The following CDK13 variants were observed in gnomAD, a reference collection of about 807,000 sequenced individuals.
CDK13 encodes the protein cyclin dependent kinase 13, also known as cyclin-dependent kinase 13.
In CDK13, 40 loss-of-function variants were observed where a neutral mutation model predicts 137.6. The ratio of observed to expected loss-of-function variants is 0.29; its 90% CI spans 0.23 to 0.38. The LOEUF is 0.38. Ranked by LOEUF, CDK13 falls within the 10% of genes least tolerant of loss-of-function variation. CDK13 has a pLI of 1.00. For missense variants in CDK13, 1,704 were observed against 1,951.8 expected, an observed-to-expected ratio of 0.87 and a Z score of 2.39; for synonymous variants, 869 against 760.1, an observed-to-expected ratio of 1.14 and a Z score of -2.36.
intron 11 of CDK13, among the ~76,000 whole-genome samples, chr7:40,080,136 C>CA (rs1269621575): frequency 6.6e-6 from 1 of 152,052 alleles, no homozygotes; most frequent in South Asian, 2.1e-4. Context: ...TACAGGCATG[C>CA]ACCACCACAT....
At chr7:39,956,105 A>G (rs1270848052) in intron 1 of CDK13, among the ~76,000 whole-genome samples, 1 of 152,232 alleles carries the variant, frequency 6.6e-6, no homozygotes, top group African/African-American at 2.4e-5. Flanking sequence ...ATGAAAAAAA[A>G]ACTCAAAAAA....
chr7:40,050,450 GGC>G (rs1785861029), intron 7 of CDK13, among the ~76,000 whole-genome samples: 1 of 152,162 alleles, frequency 6.6e-6, no homozygotes, highest in African/African-American at 2.4e-5. Flanking sequence ...GGAGTGCAGT[GGC>G]GTGATCTCAG....
At chr7:40,024,494 G>A (rs777173218) in intron 5 of CDK13, among the ~76,000 whole-genome samples, 1 of 152,062 alleles carries the variant, frequency 6.6e-6, no homozygotes, top group Non-Finnish European at 1.5e-5. Context: ...CTTGGCCAGC[G>A]TTTATTATGT....
At chr7:40,008,651 C>T (rs1168124452) in intron 5 of CDK13, among the ~76,000 whole-genome samples, 1 of 152,172 alleles carries the variant, frequency 6.6e-6, no homozygotes, top group Non-Finnish European at 1.5e-5. Context: ...GCTAAGGAGT[C>T]TGTTCTTAGC....
intron 12 of CDK13, among the ~76,000 whole-genome samples, chr7:40,089,597 AC>A (rs1300351551): frequency 6.6e-6 from 1 of 151,996 alleles, no homozygotes; most frequent in Non-Finnish European, 1.5e-5. Flanking sequence ...TTTTAAAAGG[AC>A]CTCCACTCCC....
rs1303234597 is a variant in CDK13 at position 40,092,872 on chromosome 7, C to A, written c.3323C>A (p.Ala1108Asp). ...CAATCTAAAACAAGTGTTAATATGG[C>A]TGATTTTGTCCAAGTGTTGAACATT... Reference protein sequence around the residue: ...LLQSKTSVNMADFVQVLNIKV... With the variant: ...LLQSKTSVNMDDFVQVLNIKV... Residue 1108 changes from alanine (A) to aspartate (D), a missense_variant, in exon 13 of 14, where the codon GCT becomes GAT. Physicochemically the swap from Ala to Asp is moderately radical, Grantham distance 126 (BLOSUM62 -2). Coordinates refer to ENST00000181839, the MANE Select transcript of CDK13 (RefSeq NM_003718.5). The A allele has an allele frequency of 6.2e-7, 1 of 1,613,934 alleles. No individual in the cohort carries two copies. The highest frequency in any genetic ancestry group is 8.5e-7 in the Non-Finnish European group (1 of 1,179,954).
At chr7:40,031,691 G>A (rs1173136176) in intron 5 of CDK13, among the ~76,000 whole-genome samples, 2 of 151,566 alleles carry the variant, frequency 1.3e-5, no homozygotes, top group African/African-American at 2.4e-5. Context: ...TGTCATCCAC[G>A]CTGGAGTGTG....
intron 7 of CDK13, among the ~76,000 whole-genome samples, chr7:40,058,007 A>G (rs1396385104): frequency 6.6e-6 from 1 of 152,242 alleles, no homozygotes; most frequent in Non-Finnish European, 1.5e-5. Context: ...CAAAGCAAAT[A>G]AAATAACGAC....
chr7:40,010,500 A>G (rs549902876), intron 5 of CDK13, among the ~76,000 whole-genome samples: 1 of 152,240 alleles, frequency 6.6e-6, no homozygotes, highest in African/African-American at 2.4e-5. Flanking sequence ...CCTGAACAAC[A>G]TGGGGAAACC....
At chr7:40,010,022 C>T (rs1784863707) in intron 5 of CDK13, among the ~76,000 whole-genome samples, 1 of 152,180 alleles carries the variant, frequency 6.6e-6, no homozygotes, top group South Asian at 2.1e-4. Context: ...GGACTGGTTT[C>T]ATGCCATTTT....
At chr7:40,017,970 A>G (rs1185642320) in intron 5 of CDK13, among the ~76,000 whole-genome samples, 1 of 149,474 alleles carries the variant, frequency 6.7e-6, no homozygotes, top group Admixed American at 6.7e-5. Context: ...TTCCTGTTTC[A>G]CTGATGTTTT....
At chr7:39,977,903 T>G (rs1784143899) in intron 1 of CDK13, among the ~76,000 whole-genome samples, 1 of 152,130 alleles carries the variant, frequency 6.6e-6, no homozygotes, top group Non-Finnish European at 1.5e-5. Context: ...GGAAACCAAA[T>G]AGATCTGTGA....
intron 5 of CDK13, among the ~76,000 whole-genome samples, chr7:40,028,153 G>A (rs910002359): frequency 6.6e-6 from 1 of 151,788 alleles, no homozygotes; most frequent in African/African-American, 2.4e-5. Context: ...TGATCAGAGT[G>A]GGGGTTTTCA....
intron 9 of CDK13, among the ~76,000 whole-genome samples, chr7:40,075,745 A>G (rs1049674894): frequency 9.2e-5 from 14 of 152,214 alleles, no homozygotes; most frequent in African/African-American, 3.4e-4. Context: ...GCAGCGGCCC[A>G]TGCTTGTAAT....
chr7:40,079,847 T>C (rs1408579806), intron 11 of CDK13, among the ~76,000 whole-genome samples: 1 of 152,232 alleles, frequency 6.6e-6, no homozygotes, highest in Non-Finnish European at 1.5e-5. Context: ...TCAAAATAGC[T>C]GGCTTCTCTT....
chr7:39,989,809 G>C (rs1028203534), intron 2 of CDK13, among the ~76,000 whole-genome samples: 42 of 149,414 alleles, frequency 2.8e-4, no homozygotes, highest in Non-Finnish European at 3.4e-4. Flanking sequence ...TTGAGACGGA[G>C]TCTTGCTCTT....
intron 1 of CDK13, among the ~76,000 whole-genome samples, chr7:39,960,215 A>ATT (rs61110193): frequency 2.1e-4 from 30 of 143,764 alleles, no homozygotes; most frequent in African/African-American, 7.9e-4. Flanking sequence ...TCATTTGATC[A>ATT]TTTTTTTTTT....
At chr7:40,038,410 G>A (rs1244640545) in intron 5 of CDK13, among the ~76,000 whole-genome samples, 2 of 152,074 alleles carry the variant, frequency 1.3e-5, no homozygotes, top group Non-Finnish European at 2.9e-5. Flanking sequence ...TTTTCATTGT[G>A]TAAATAATGC....
rs189456265 is a variant in CDK13, at chr7:40,046,796, G to A, written c.2543+771G>A. Reference sequence around the variant, plus strand: ...GCAGATGGATCACTTGAGGCCAGGAGTTCAAGACCAGCCTGGCCAACATGG... The same window carrying A: ...GCAGATGGATCACTTGAGGCCAGGAATTCAAGACCAGCCTGGCCAACATGG... On this transcript the variant is annotated intron_variant, in intron 6 of 13. Transcript: ENST00000181839. Among the ~76,000 whole-genome samples, 12 of 152,098 alleles carry A rather than the reference G, an allele frequency of 7.9e-5. No homozygotes were observed. In the East Asian group the frequency reaches 2.3e-3, roughly 29 times the overall value.
Sources: gnomAD v4.1 joint callset for allele counts (sites outside exome capture counted in the v4.1 genomes callset) on GRCh38, gnomAD v4.1.1 for gene constraint, MANE v1.5 for transcripts, NCBI Gene and HGNC (gene_info 2026-07-23, HGNC 2026-07-21) for gene names.